FOXP1: variants seen among roughly 807,000 people sequenced by gnomAD.
FOXP1 encodes the protein forkhead box P1.
In FOXP1, 15 loss-of-function variants were observed where a neutral mutation model predicts 98.2. The ratio of observed to expected loss-of-function variants is 0.15; its 90% CI spans 0.10 to 0.24. FOXP1 has a LOEUF of 0.24. Among genes scored for constraint, FOXP1 ranks in the 10% least tolerant of loss-of-function variants. The probability of loss-of-function intolerance (pLI) is 1.00; values close to 1 mark genes in which losing one functional copy is unlikely to be tolerated. For synonymous variants in FOXP1, 371 were observed against 314.5 expected (o/e 1.18, Z -1.90); for missense variants, 633 against 848.5 (o/e 0.75, Z 3.15).
chr3:71,003,808 C>A (rs2107634784), intron 12 of FOXP1, among the ~76,000 whole-genome samples: 1 of 152,224 alleles, frequency 6.6e-6, no homozygotes, highest in East Asian at 1.9e-4. Context: ...GATGTTTGAA[C>A]TGATTTCACA....
At chr3:70,987,092 C>A (rs1021212475) in intron 14 of FOXP1, among the ~76,000 whole-genome samples, 1 of 152,224 alleles carries the variant, frequency 6.6e-6, no homozygotes, top group Admixed American at 6.5e-5. Context: ...TTAATTTTCA[C>A]ACAGTGACTC....
chr3:71,028,659 T>C (rs1343882364), intron 11 of FOXP1, among the ~76,000 whole-genome samples: 1 of 152,232 alleles, frequency 6.6e-6, no homozygotes, highest in Non-Finnish European at 1.5e-5. Flanking sequence ...CAGGGAATAG[T>C]TTCGGGATGA....
rs762435758 is a variant in FOXP1, at chr3:71,105,945, T to G, written c.282+6591A>C. 7.2e-4 allele frequency among the ~76,000 whole-genome samples: 109 copies of G among 152,210 alleles called. 1 individual carries two copies. The highest frequency in any genetic ancestry group is 1.3e-3 in the Non-Finnish European group (89 of 68,042). ...GAAAATAGCGTAATTTACTTATTTA[T>G]GGAAAATATGACACTCAGTAGGTGC... On this transcript the variant is annotated intron_variant, in intron 7 of 20. Transcript: ENST00000649528.
chr3:71,481,298 C>T (rs2090258857), intron 3 of FOXP1, among the ~76,000 whole-genome samples: 1 of 152,160 alleles, frequency 6.6e-6, no homozygotes, highest in Non-Finnish European at 1.5e-5. Context: ...GAAACTGAGG[C>T]ACAGAGAGAT....
intron 6 of FOXP1, among the ~76,000 whole-genome samples, chr3:71,120,447 T>A (rs957798964): frequency 6.6e-6 from 1 of 152,222 alleles, no homozygotes; most frequent in Non-Finnish European, 1.5e-5. Context: ...GATATTTAGG[T>A]AGGACATTTT....
chr3:71,103,988 C>T (rs2107683498), intron 7 of FOXP1, among the ~76,000 whole-genome samples: 1 of 152,204 alleles, frequency 6.6e-6, no homozygotes, highest in East Asian at 1.9e-4. Flanking sequence ...TAATTTTCTA[C>T]ATTAGACTTG....
At chr3:71,293,940 T>C (rs1021398931) in intron 5 of FOXP1, among the ~76,000 whole-genome samples, 2 of 152,170 alleles carry the variant, frequency 1.3e-5, no homozygotes, top group African/African-American at 4.8e-5. Flanking sequence ...TAAGAACTCA[T>C]GAGGTTTTAA....
intron 6 of FOXP1, among the ~76,000 whole-genome samples, chr3:71,183,484 G>T (rs1314020099): frequency 2.0e-5 from 3 of 152,094 alleles, no homozygotes; most frequent in African/African-American, 7.2e-5. Context: ...GGGCGACAGA[G>T]TAACACCCTG....
chr3:71,263,304 C>T (rs1203055923), intron 5 of FOXP1, among the ~76,000 whole-genome samples: 7 of 152,238 alleles, frequency 4.6e-5, no homozygotes, highest in East Asian at 1.9e-4. Flanking sequence ...ACAACAAAAC[C>T]GAGCCTGTGC....
intron 3 of FOXP1, among the ~76,000 whole-genome samples, chr3:71,492,324 C>T (rs1028740824): frequency 1.8e-4 from 28 of 151,942 alleles, no homozygotes; most frequent in African/African-American, 5.3e-4. Context: ...TGGTGGCGGG[C>T]GCCTGTAATC....
intron 4 of FOXP1, among the ~76,000 whole-genome samples, chr3:71,318,166 T>A (rs2075188656): frequency 6.6e-6 from 1 of 152,130 alleles, no homozygotes; most frequent in East Asian, 1.9e-4. Context: ...TTTTTTTTTT[T>A]TTTTTCCTTC....
chr3:71,142,534 C>A (rs1008250168), intron 6 of FOXP1, among the ~76,000 whole-genome samples: 2 of 152,146 alleles, frequency 1.3e-5, no homozygotes, highest in Admixed American at 6.5e-5. Flanking sequence ...ACTGGCTTCA[C>A]GATGGAAGAG....
At chr3:71,007,920 C>G (rs113137164) in intron 12 of FOXP1, among the ~76,000 whole-genome samples, 86 of 152,156 alleles carry the variant, frequency 5.7e-4, no homozygotes, top group Non-Finnish European at 1.3e-4. Context: ...CATTACAGCA[C>G]ATATACAGTT....
intron 3 of FOXP1, among the ~76,000 whole-genome samples, chr3:71,461,703 A>C (rs2088134099): frequency 6.6e-6 from 1 of 151,918 alleles, no homozygotes; most frequent in South Asian, 2.1e-4. Flanking sequence ...CAGGAGGCTG[A>C]GGCAGAGAAC....
intron 10 of FOXP1, among the ~76,000 whole-genome samples, chr3:71,044,395 A>T (rs1409241165): frequency 1.3e-5 from 2 of 152,224 alleles, no homozygotes; most frequent in African/African-American, 4.8e-5. Context: ...GGTGCTAGGG[A>T]GGATGAGATG....
At position 71,091,926 on chromosome 3, in the gene FOXP1, G is replaced by A. The variant is rs1187155661; in HGVS notation, c.282+20610C>T. On this transcript the variant is annotated intron_variant, in intron 7 of 20. Coordinates refer to ENST00000649528, the MANE Select transcript of FOXP1 (RefSeq NM_001349338.3). Reference sequence around the variant, plus strand: ...ATGTAGGCTGAGTGCCATGACTCACGCCTGTAATTCCAGCACTTTGGGAGG... The same window carrying A: ...ATGTAGGCTGAGTGCCATGACTCACACCTGTAATTCCAGCACTTTGGGAGG... 4.6e-5 allele frequency among the ~76,000 whole-genome samples: 7 copies of A among 152,216 alleles called. No individual in the cohort carries two copies. In the East Asian group the frequency reaches 1.3e-3, roughly 29 times the overall value.
intron 5 of FOXP1, among the ~76,000 whole-genome samples, chr3:71,294,127 T>C (rs2073042202): frequency 1.3e-5 from 2 of 152,336 alleles, no homozygotes; most frequent in African/African-American, 2.4e-5. Context: ...CAGAATGCAG[T>C]GTAAGTGCTA....
intron 2 of FOXP1, among the ~76,000 whole-genome samples, chr3:71,555,663 C>T (rs550761713): frequency 6.6e-6 from 1 of 152,240 alleles, no homozygotes; most frequent in East Asian, 1.9e-4. Flanking sequence ...GTGGGTGGAA[C>T]GTGTTCCAGG....
intron 6 of FOXP1, among the ~76,000 whole-genome samples, chr3:71,160,576 C>G (rs1318457607): frequency 6.6e-6 from 1 of 152,156 alleles, no homozygotes; most frequent in Non-Finnish European, 1.5e-5. Flanking sequence ...TAGCAACTAG[C>G]CACATGTGGC....
Sources: gnomAD v4.1 joint callset for allele counts (sites outside exome capture counted in the v4.1 genomes callset) on GRCh38, gnomAD v4.1.1 for gene constraint, MANE v1.5 for transcripts, NCBI Gene and HGNC (gene_info 2026-07-23, HGNC 2026-07-21) for gene names.